The following WDR72 variants were observed in gnomAD, a reference collection of about 807,000 sequenced individuals.
WDR72 encodes the protein WD repeat-containing protein 72.
WDR72 carries 120 observed loss-of-function variants against 124.2 expected under a neutral mutation model. The observed-to-expected ratio is 0.97, with a 90% CI of 0.83 to 1.12. WDR72 has a LOEUF of 1.12. WDR72 is among the 50% of genes most tolerant of loss of function. The pLI is 0.00. For synonymous variants in WDR72, 452 were observed against 441.7 expected, an observed-to-expected ratio of 1.02 and a Z score of -0.29; for missense variants, 1,387 against 1,278.8, an observed-to-expected ratio of 1.08 and a Z score of -1.29.
intron 13 of WDR72, among the ~76,000 whole-genome samples, chr15:53,689,958 T>G (rs1374140336): frequency 8.7e-5 from 13 of 149,910 alleles, no homozygotes; most frequent in South Asian, 8.5e-4. Flanking sequence ...CAGTAAACTA[T>G]CGCAAGAACA....
chr15:53,574,868 T>C (rs1444733536), intron 18 of WDR72, among the ~76,000 whole-genome samples: 1 of 151,196 alleles, frequency 6.6e-6, no homozygotes, highest in Non-Finnish European at 1.5e-5. Context: ...ATAGGAGGAG[T>C]GTACACAGGT....
At position 53,537,576 on chromosome 15, in the gene WDR72, A is replaced by G. The variant is rs561195532; in HGVS notation, c.3149-14254T>C. Among the ~76,000 whole-genome samples, 8 of 152,290 alleles carry G rather than the reference A, an allele frequency of 5.3e-5. No individual in the cohort carries two copies. The South Asian group carries it at 1.7e-3, about 32-fold the overall frequency. On this transcript the variant is annotated intron_variant, in intron 18 of 19. Transcript: ENST00000360509. ...CTGTTTCTTCATTTATAAAATAGCAATAGTGATGGTGCCTACCAGGGGCAA... is the reference window on the plus strand; with the variant it reads ...CTGTTTCTTCATTTATAAAATAGCAGTAGTGATGGTGCCTACCAGGGGCAA...
rs774647605 is a variant in WDR72, at chr15:53,517,735, T to C, written c.3273A>G (p.Ser1091=). The C allele has an allele frequency of 6.2e-7, 1 of 1,612,820 alleles. No individual in the cohort carries two copies. Among genetic ancestry groups the C allele is most frequent in the Non-Finnish European group, 8.5e-7 (1 of 1,179,220 alleles). The change falls in exon 20 of 20, where the codon TCA becomes TCG. Residue 1091 remains serine (S), a synonymous_variant. Coordinates refer to ENST00000360509, the MANE Select transcript of WDR72 (RefSeq NM_182758.4). ...SESPGEPRHH[S]WIAKVCPCKV... ...TGCAGGGGCAGACCTTTGCTATCCA[T>C]GAATGATGCCTTGGCTCACCTAGGA... is the stretch of plus-strand genomic sequence containing the variant.
intron 13 of WDR72, among the ~76,000 whole-genome samples, chr15:53,696,836 A>G (rs768533618): frequency 1.1e-4 from 16 of 152,374 alleles, no homozygotes; most frequent in South Asian, 6.2e-4. Flanking sequence ...ATAAAGGAAC[A>G]GCATAAACTT....
At chr15:53,751,659 C>A (rs1168319344) in intron 1 of WDR72, among the ~76,000 whole-genome samples, 1 of 152,106 alleles carries the variant, frequency 6.6e-6, no homozygotes, top group Non-Finnish European at 1.5e-5. Context: ...AAGTTTAAAT[C>A]ACAAATCTTA....
intron 18 of WDR72, among the ~76,000 whole-genome samples, chr15:53,591,287 C>T (rs2012479831): frequency 1.3e-5 from 2 of 151,948 alleles, no homozygotes; most frequent in African/African-American, 4.8e-5. Flanking sequence ...TTAGTTTGTT[C>T]TTGGCGATAT....
intron 14 of WDR72, among the ~76,000 whole-genome samples, chr15:53,657,179 A>G (rs1158475634): frequency 1.4e-5 from 2 of 145,968 alleles, no homozygotes; most frequent in Admixed American, 1.4e-4. Context: ...CAGGAGAATC[A>G]CTTGAACCTG....
chr15:53,534,484 C>T (rs1442313998), intron 18 of WDR72, among the ~76,000 whole-genome samples: 1 of 152,022 alleles, frequency 6.6e-6, no homozygotes, highest in Non-Finnish European at 1.5e-5. Context: ...CTTAAATTTA[C>T]CCTAGGGATT....
rs140010946 is a variant in WDR72 at position 53,710,129 on chromosome 15, CA to C, written c.954+727del. Among the ~76,000 whole-genome samples, 986 of 152,232 alleles carry C rather than the reference CA, an allele frequency of 6.5e-3. 10 individuals are homozygous for C. The highest frequency in any genetic ancestry group is 0.023 in the African/African-American group (944 of 41,540). On this transcript the variant is annotated intron_variant, in intron 9 of 19. Transcript: ENST00000360509. ...CACATTTATATTCTCAACTCTCTGCCAAAAGCATAATTATATTTGTTTTAAC... is the reference window on the plus strand; with the variant it reads ...CACATTTATATTCTCAACTCTCTGCCAAAGCATAATTATATTTGTTTTAAC...
intron 13 of WDR72, among the ~76,000 whole-genome samples, chr15:53,689,844 A>C (rs1385405856): frequency 6.6e-6 from 1 of 152,068 alleles, no homozygotes; most frequent in Admixed American, 6.6e-5. Context: ...AGACTGGATT[A>C]AGAAAATGTT....
intron 17 of WDR72, among the ~76,000 whole-genome samples, chr15:53,604,326 T>C (rs2013178551): frequency 6.6e-6 from 1 of 152,094 alleles, no homozygotes; most frequent in Non-Finnish European, 1.5e-5. Flanking sequence ...ATACAAAAAT[T>C]AACTCAAGAT....
chr15:53,594,576 C>G (rs1307697318), intron 18 of WDR72, among the ~76,000 whole-genome samples: 1 of 149,968 alleles, frequency 6.7e-6, no homozygotes, highest in Non-Finnish European at 1.5e-5. Context: ...AAAATTCTAT[C>G]AACCAGCCTG....
At chr15:53,670,961 C>G (rs2015964387) in intron 13 of WDR72, among the ~76,000 whole-genome samples, 1 of 152,176 alleles carries the variant, frequency 6.6e-6, no homozygotes, top group Non-Finnish European at 1.5e-5. Flanking sequence ...CTTGAACCTC[C>G]TCAATCAGCC....
At chr15:53,734,341 T>A (rs777978349) in intron 1 of WDR72, among the ~76,000 whole-genome samples, 19 of 152,150 alleles carry the variant, frequency 1.2e-4, no homozygotes, top group Non-Finnish European at 1.8e-4. Flanking sequence ...CCAAACACCA[T>A]GAAGCCAAAG....
chr15:53,643,312 TAGTC>T (rs753933235), intron 14 of WDR72, among the ~76,000 whole-genome samples: 10 of 151,810 alleles, frequency 6.6e-5, no homozygotes, highest in East Asian at 5.8e-4. Flanking sequence ...ATTAATTAAT[TAGTC>T]AGTTAATTAA....
rs565543641 is a variant in WDR72, at chr15:53,677,557, T to C, written c.1766-11789A>G. ...TTAAATCATGGGGTCAGGTCTTTCCTGTGCTGTTCTCATGATAGTGAGTAG... is the reference window on the plus strand; with the variant it reads ...TTAAATCATGGGGTCAGGTCTTTCCCGTGCTGTTCTCATGATAGTGAGTAG... On this transcript the variant is annotated intron_variant, in intron 13 of 19. Coordinates refer to ENST00000360509, the MANE Select transcript of WDR72 (RefSeq NM_182758.4). 8.5e-5 allele frequency among the ~76,000 whole-genome samples: 13 copies of C among 152,322 alleles called. No homozygotes were observed. The East Asian group carries it at 1.5e-3, about 18-fold the overall frequency.
chr15:53,693,464 A>T (rs567791149), intron 13 of WDR72, among the ~76,000 whole-genome samples: 1 of 152,342 alleles, frequency 6.6e-6, no homozygotes, highest in East Asian at 1.9e-4. Flanking sequence ...CGACAAGATT[A>T]AACACTGAAT....
intron 14 of WDR72, among the ~76,000 whole-genome samples, chr15:53,659,045 T>C (rs563491840): frequency 1.4e-4 from 22 of 152,168 alleles, no homozygotes; most frequent in Non-Finnish European, 2.8e-4. Context: ...GGACCATAAG[T>C]ATCCTAACAA....
chr15:53,584,806 C>T (rs1017126367), intron 18 of WDR72, among the ~76,000 whole-genome samples: 3 of 151,978 alleles, frequency 2.0e-5, no homozygotes, highest in African/African-American at 4.8e-5. Flanking sequence ...TGCCATACTG[C>T]CCTGCCTTGG....
Sources: allele counts gnomAD v4.1 joint callset (sites outside exome capture counted in the v4.1 genomes callset), GRCh38; gene constraint gnomAD v4.1.1; transcripts MANE v1.5; gene names NCBI Gene and HGNC (gene_info 2026-07-23, HGNC 2026-07-21).